Variants in SUPT3H observed in about 807,000 individuals in gnomAD.
The protein encoded by SUPT3H is SPT3 homolog, SAGA and STAGA complex component.
SUPT3H carries 44 observed loss-of-function variants against 44.3 expected under a neutral mutation model. That is an observed-to-expected ratio of 0.99 (90% confidence interval 0.78 to 1.28). SUPT3H has a LOEUF of 1.28. SUPT3H is among the 50% of genes most tolerant of loss of function. The pLI is 0.00. For synonymous variants in SUPT3H, 124 were observed against 125.6 expected (o/e 0.99, Z 0.09); for missense variants, 380 against 387.1 (o/e 0.98, Z 0.15).
chr6:45,290,929 G>A (rs897825826), intron 2 of SUPT3H, among the ~76,000 whole-genome samples: 1 of 152,120 alleles, frequency 6.6e-6, no homozygotes, highest in Admixed American at 6.5e-5. Context: ...GCTCTAACTC[G>A]GATGGACAGA....
At chr6:44,893,562 T>A (rs74787271) in intron 10 of SUPT3H, among the ~76,000 whole-genome samples, 4 of 152,386 alleles carry the variant, frequency 2.6e-5, no homozygotes, top group African/African-American at 9.6e-5. Flanking sequence ...CATCATTTTT[T>A]ATGGCTGCAC....
At chr6:45,291,562 T>C (rs1780321309) in intron 2 of SUPT3H, among the ~76,000 whole-genome samples, 1 of 151,876 alleles carries the variant, frequency 6.6e-6, no homozygotes, top group Admixed American at 6.6e-5. Flanking sequence ...TTACACGAAG[T>C]GAAGGAAGAA....
intron 2 of SUPT3H, among the ~76,000 whole-genome samples, chr6:45,223,508 GAATTAAAACATC>G (rs1347145404): frequency 6.6e-6 from 1 of 151,756 alleles, no homozygotes; most frequent in Non-Finnish European, 1.5e-5. Context: ...CAGATTCCCA[GAATTAAAACATC>G]AATTATAGAA....
At chr6:45,284,189 G>A (rs1348085818) in intron 2 of SUPT3H, among the ~76,000 whole-genome samples, 2 of 152,054 alleles carry the variant, frequency 1.3e-5, no homozygotes, top group Non-Finnish European at 2.9e-5. Context: ...AACAACTGGA[G>A]AAGCAAGAGC....
intron 7 of SUPT3H, among the ~76,000 whole-genome samples, chr6:44,961,280 G>A (rs925587315): frequency 1.3e-5 from 2 of 152,124 alleles, no homozygotes; most frequent in Admixed American, 6.5e-5. Flanking sequence ...CACGGTAGGA[G>A]GTTAGACAAA....
chr6:44,976,129 C>A (rs1199768372), intron 6 of SUPT3H, among the ~76,000 whole-genome samples: 1 of 152,150 alleles, frequency 6.6e-6, no homozygotes, highest in Non-Finnish European at 1.5e-5. Context: ...AGAGACTGAT[C>A]TAAGCTAGAA....
intron 2 of SUPT3H, among the ~76,000 whole-genome samples, chr6:45,266,566 G>C (rs944950550): frequency 7.9e-4 from 120 of 151,846 alleles, no homozygotes; most frequent in Middle Eastern, 3.5e-3. Context: ...TATATGATTT[G>C]AATGTATATT....
At chr6:45,170,168 A>G (rs532748799) in intron 2 of SUPT3H, among the ~76,000 whole-genome samples, 1 of 152,344 alleles carries the variant, frequency 6.6e-6, no homozygotes, top group African/African-American at 2.4e-5. Flanking sequence ...TAAAAGTGCA[A>G]ACTATCAATA....
At chr6:45,303,526 T>A (rs1018588267) in intron 2 of SUPT3H, among the ~76,000 whole-genome samples, 4 of 152,068 alleles carry the variant, frequency 2.6e-5, no homozygotes, top group South Asian at 2.1e-4. Flanking sequence ...ATGCTTAACA[T>A]CACTAAGGAA....
intron 10 of SUPT3H, among the ~76,000 whole-genome samples, chr6:44,928,282 A>G (rs1769854130): frequency 6.6e-6 from 1 of 152,334 alleles, no homozygotes; most frequent in South Asian, 2.1e-4. Context: ...AGGTTGCAAA[A>G]GCACTCTAGA....
chr6:45,212,597 T>C (rs923215927), intron 2 of SUPT3H, among the ~76,000 whole-genome samples: 1 of 150,814 alleles, frequency 6.6e-6, no homozygotes, highest in East Asian at 2.0e-4. Flanking sequence ...TTCTTGATTT[T>C]CTTCCTTATT....
chr6:45,102,904 A>G (rs1300565001), intron 3 of SUPT3H, among the ~76,000 whole-genome samples: 1 of 151,794 alleles, frequency 6.6e-6, no homozygotes, highest in Admixed American at 6.6e-5. Flanking sequence ...ATGCCTCTGC[A>G]CTCCAACCTG....
intron 2 of SUPT3H, among the ~76,000 whole-genome samples, chr6:45,250,652 A>G (rs1396715344): frequency 6.6e-6 from 1 of 152,124 alleles, no homozygotes; most frequent in Non-Finnish European, 1.5e-5. Context: ...AATTCAAAAA[A>G]ATTTCCAAGA....
At chr6:44,838,918 A>G (rs192437578) in intron 10 of SUPT3H, among the ~76,000 whole-genome samples, 1 of 152,326 alleles carries the variant, frequency 6.6e-6, no homozygotes, top group Admixed American at 6.5e-5. Context: ...ATATTTCTAA[A>G]ACAGAGTTGT....
intron 2 of SUPT3H, among the ~76,000 whole-genome samples, chr6:45,331,130 C>T (rs916688341): frequency 4.6e-4 from 62 of 133,660 alleles, no homozygotes; most frequent in African/African-American, 1.3e-3. Flanking sequence ...TGTGTGTGCG[C>T]GCGCGCGCGC....
intron 10 of SUPT3H, among the ~76,000 whole-genome samples, chr6:44,894,866 T>C (rs1010135979): frequency 5.9e-5 from 9 of 151,862 alleles, no homozygotes. Context: ...TAAAATAATA[T>C]AAAATATAAA....
At chr6:45,250,938 G>A (rs999793574) in intron 2 of SUPT3H, 2 of 151,872 alleles carry the variant, frequency 1.3e-5, no homozygotes, top group African/African-American at 4.8e-5. Context: ...GCAAGTAGCT[G>A]GGACTACACA....
intron 10 of SUPT3H, among the ~76,000 whole-genome samples, chr6:44,910,348 T>C (rs1449722161): frequency 1.3e-5 from 2 of 152,220 alleles, no homozygotes; most frequent in African/African-American, 2.4e-5. Flanking sequence ...ATCTTGCTGG[T>C]GGAGAAAATT....
At chr6:45,127,346 A>G (rs937328330) in intron 2 of SUPT3H, among the ~76,000 whole-genome samples, 7 of 152,084 alleles carry the variant, frequency 4.6e-5, no homozygotes, top group Non-Finnish European at 1.0e-4. Flanking sequence ...AATAACAACT[A>G]TGAACACTGT....
Sources: allele counts gnomAD v4.1 joint callset (sites outside exome capture counted in the v4.1 genomes callset), GRCh38; gene constraint gnomAD v4.1.1; transcripts MANE v1.5; gene names NCBI Gene and HGNC (gene_info 2026-07-23, HGNC 2026-07-21).